The following RAB28 variants were observed in gnomAD, a reference collection of about 807,000 sequenced individuals.
The protein encoded by RAB28 is ras-related protein Rab-28.
Under a neutral mutation model 31.7 loss-of-function variants are expected in RAB28, and 24 were observed. That is an observed-to-expected ratio of 0.76 (90% CI 0.55 to 1.06). RAB28 has a LOEUF of 1.06. RAB28 is among the 50% of genes least tolerant of loss of function. The probability of loss-of-function intolerance (pLI) is 0.00; values close to 1 mark genes in which losing one functional copy is unlikely to be tolerated. For missense variants in RAB28, 254 were observed against 258.5 expected, an observed-to-expected ratio of 0.98 and a Z score of 0.12; for synonymous variants, 100 against 90.4, an observed-to-expected ratio of 1.11 and a Z score of -0.60.
chr4:13,411,594 T>C (rs1012425076), intron 4 of RAB28, among the ~76,000 whole-genome samples: 6 of 152,166 alleles, frequency 3.9e-5, no homozygotes, highest in African/African-American at 1.4e-4. Flanking sequence ...GCTAGGGAAA[T>C]TCCAAATTAC....
At chr4:13,448,459 A>T (rs1359156757) in intron 4 of RAB28, among the ~76,000 whole-genome samples, 4 of 152,130 alleles carry the variant, frequency 2.6e-5, no homozygotes, top group African/African-American at 9.6e-5. Flanking sequence ...CAATGAAAAC[A>T]TAACCACAAA....
intron 4 of RAB28, among the ~76,000 whole-genome samples, chr4:13,453,488 G>C (rs934333654): frequency 1.3e-5 from 2 of 152,226 alleles, no homozygotes; most frequent in East Asian, 3.9e-4. Context: ...TACTGTCTTT[G>C]AACTTCCAGA....
At chr4:13,372,929 G>C (rs1242169377) in intron 6 of RAB28, among the ~76,000 whole-genome samples, 1 of 151,786 alleles carries the variant, frequency 6.6e-6, no homozygotes, top group East Asian at 1.9e-4. Context: ...GGGACAATAA[G>C]GAATATATAT....
chr4:13,465,515 AT>A (rs1045394495), intron 3 of RAB28, among the ~76,000 whole-genome samples: 112 of 148,692 alleles, frequency 7.5e-4, no homozygotes, highest in African/African-American at 2.6e-3. Flanking sequence ...CTGACAGAAA[AT>A]TTAAAAAAAA....
chr4:13,462,731 C>T (rs1192891249), intron 3 of RAB28, among the ~76,000 whole-genome samples: 1 of 152,310 alleles, frequency 6.6e-6, no homozygotes, highest in East Asian at 1.9e-4. Flanking sequence ...TACAAAATCA[C>T]TCGTCTGGTT....
chr4:13,368,647 C>A lies in RAB28; in HGVS notation c.577G>T (p.Val193Leu), dbSNP rs1728604202. 6.2e-7 allele frequency: 1 copy of A among 1,608,738 alleles called. No homozygotes were observed. The highest frequency in any genetic ancestry group is 1.3e-5 in the African/African-American group (1 of 74,520). ...NKAEIEQSQRVVKADIVNYNQ... is the reference protein window; with the variant it reads ...NKAEIEQSQRLVKADIVNYNQ... ...TAGTTTACAATATCTGCCTTCACCA[C>A]CCTCTGTCATAAAAGAAAACAGAGT... The change falls in exon 7 of 7, where the codon GTG (valine) becomes TTG (leucine). Residue 193 changes from valine to leucine, a missense_variant. Transcript: ENST00000330852.
chr4:13,410,972 C>T (rs146275452), intron 4 of RAB28, among the ~76,000 whole-genome samples: 1 of 152,040 alleles, frequency 6.6e-6, no homozygotes, highest in African/African-American at 2.4e-5. Flanking sequence ...TATAAAGACA[C>T]AGGTTTTAAA....
chr4:13,399,699 T>C (rs1162873808), intron 4 of RAB28, among the ~76,000 whole-genome samples: 1 of 152,218 alleles, frequency 6.6e-6, no homozygotes, highest in Non-Finnish European at 1.5e-5. Context: ...TATATTTATA[T>C]GTCTTTCTTC....
chr4:13,442,288 G>A (rs1197489305), intron 4 of RAB28, among the ~76,000 whole-genome samples: 2 of 152,000 alleles, frequency 1.3e-5, no homozygotes, highest in Admixed American at 1.3e-4. Context: ...AATAACATTT[G>A]TACCTCAACC....
intron 4 of RAB28, among the ~76,000 whole-genome samples, chr4:13,396,788 A>G (rs1038156843): frequency 6.6e-5 from 10 of 152,108 alleles, no homozygotes; most frequent in Non-Finnish European, 1.5e-4. Flanking sequence ...CAATCTGTGT[A>G]AGCACTTTGT....
chr4:13,394,975 A>C (rs1030749704), intron 4 of RAB28, among the ~76,000 whole-genome samples: 1 of 152,088 alleles, frequency 6.6e-6, no homozygotes, highest in African/African-American at 2.4e-5. Flanking sequence ...CACACACAAA[A>C]ACTGAGGTTT....
At chr4:13,425,290 A>G (rs1577202162) in intron 4 of RAB28, among the ~76,000 whole-genome samples, 1 of 152,222 alleles carries the variant, frequency 6.6e-6, no homozygotes, top group East Asian at 1.9e-4. Flanking sequence ...TTAAGAAACT[A>G]TTTGATGCTA....
At position 13,415,600 on chromosome 4, in the gene RAB28, G is replaced by C. The variant is rs182285816; in HGVS notation, c.392-34006C>G. Among the ~76,000 whole-genome samples the C allele has an allele frequency of 3.9e-3, 593 of 152,226 alleles. 4 individuals are homozygous for C. Among genetic ancestry groups the C allele is most frequent in the African/African-American group, 0.014 (568 of 41,552 alleles). ...GTGCCGGCCCACTGGCACTGCGCTCGATTTCTTGCCGGGCCTTAGCTGCCT... is the reference window on the plus strand; with the variant it reads ...GTGCCGGCCCACTGGCACTGCGCTCCATTTCTTGCCGGGCCTTAGCTGCCT... On this transcript the variant is annotated intron_variant, in intron 4 of 6. Transcript: ENST00000330852.
Position 13,457,628 on chromosome 4 carries a change from CTT to C in RAB28, c.391+3069_391+3070del, listed in dbSNP as rs1349006246. Among the ~76,000 whole-genome samples, 9 of 151,868 alleles carry C rather than the reference CTT, an allele frequency of 5.9e-5. No individual in the cohort carries two copies. The East Asian group carries it at 7.7e-4, about 13-fold the overall frequency. ...AAAGAAAAAAGAAAAAAAAAAACCT[CTT>C]GTCTTTTATGCTATTAAATCTCCAA... On this transcript the variant is annotated intron_variant, in intron 4 of 6. Coordinates refer to ENST00000330852, the MANE Select transcript of RAB28 (RefSeq NM_001017979.3).
At chr4:13,414,012 G>C (rs1279365439) in intron 4 of RAB28, among the ~76,000 whole-genome samples, 3 of 152,242 alleles carry the variant, frequency 2.0e-5, no homozygotes, top group Non-Finnish European at 4.4e-5. Flanking sequence ...ATGGGTATAT[G>C]GTCAGCTCAG....
At chr4:13,435,630 T>C (rs950488124) in intron 4 of RAB28, among the ~76,000 whole-genome samples, 12 of 152,108 alleles carry the variant, frequency 7.9e-5, no homozygotes, top group African/African-American at 2.7e-4. Flanking sequence ...CCTAGAGGAA[T>C]TGGATAAATT....
At chr4:13,452,881 C>T (rs187970673) in intron 4 of RAB28, among the ~76,000 whole-genome samples, 1 of 152,140 alleles carries the variant, frequency 6.6e-6, no homozygotes. Context: ...CTGAAGTCAA[C>T]AACTATTACT....
intron 5 of RAB28, among the ~76,000 whole-genome samples, chr4:13,381,159 C>T (rs76073612): frequency 0.014 from 2,103 of 151,980 alleles, 24 homozygotes; most frequent in Middle Eastern, 0.044. Flanking sequence ...TCAATGAATG[C>T]CATCTCCTAG....
chr4:13,483,106 A>T (rs1281089930), intron 1 of RAB28, among the ~76,000 whole-genome samples: 1 of 152,184 alleles, frequency 6.6e-6, no homozygotes, highest in Non-Finnish European at 1.5e-5. Flanking sequence ...GAAAGAAGGC[A>T]TCCGGGTAGA....
Sources: gnomAD v4.1 joint callset for allele counts (sites outside exome capture counted in the v4.1 genomes callset) on GRCh38, gnomAD v4.1.1 for gene constraint, MANE v1.5 for transcripts, NCBI Gene and HGNC (gene_info 2026-07-23, HGNC 2026-07-21) for gene names.